Variants in GULP1 observed in about 807,000 individuals in gnomAD.
GULP1 encodes GULP PTB domain containing engulfment adaptor 1.
A neutral mutation model predicts 40.9 loss-of-function variants in GULP1; 19 were observed. The observed-to-expected ratio is 0.46, with a 90% CI of 0.32 to 0.68. The LOEUF is 0.68. Ranked by LOEUF, GULP1 falls within the 30% of genes least tolerant of loss-of-function variation. The probability of loss-of-function intolerance (pLI) is 0.03; values close to 1 mark genes in which losing one functional copy is unlikely to be tolerated. For synonymous variants in GULP1, 119 were observed against 117.6 expected (o/e 1.01, Z -0.08); for missense variants, 312 against 362.2 (o/e 0.86, Z 1.12).
At chr2:188,421,985 T>C (rs1488449340) in intron 2 of GULP1, among the ~76,000 whole-genome samples, 1 of 152,030 alleles carries the variant, frequency 6.6e-6, no homozygotes, top group Admixed American at 6.6e-5. Flanking sequence ...GTTTTTATAT[T>C]TTATTGTACT....
intron 3 of GULP1, among the ~76,000 whole-genome samples, chr2:188,478,003 A>C (rs2061156770): frequency 6.6e-6 from 1 of 152,148 alleles, no homozygotes; most frequent in South Asian, 2.1e-4. Context: ...AATTGCAAAG[A>C]ATAAAATGAT....
chr2:188,561,249 T>C (rs1365807688), intron 7 of GULP1, among the ~76,000 whole-genome samples: 5 of 152,326 alleles, frequency 3.3e-5, no homozygotes, highest in African/African-American at 4.8e-5. Context: ...GGACCAATTC[T>C]TGGGCTTCTA....
chr2:188,312,775 C>T (rs530004624), intron 1 of GULP1, among the ~76,000 whole-genome samples: 10 of 152,246 alleles, frequency 6.6e-5, no homozygotes, highest in African/African-American at 2.4e-4. Flanking sequence ...ACTGTAAAAG[C>T]GTTCCTAATT....
At chr2:188,431,328 G>A (rs763141068) in intron 2 of GULP1, among the ~76,000 whole-genome samples, 10 of 152,076 alleles carry the variant, frequency 6.6e-5, no homozygotes, top group Non-Finnish European at 1.2e-4. Flanking sequence ...AACAAAAGTT[G>A]AAGCTTCAAT....
chr2:188,556,794 G>C (rs1170774162), intron 7 of GULP1, among the ~76,000 whole-genome samples: 1 of 152,160 alleles, frequency 6.6e-6, no homozygotes. Flanking sequence ...CCAGCACTTT[G>C]GGAGGCCGAG....
chr2:188,564,691 G>C (rs1697215716), intron 7 of GULP1, among the ~76,000 whole-genome samples: 1 of 151,818 alleles, frequency 6.6e-6, no homozygotes, highest in South Asian at 2.1e-4. Flanking sequence ...AATCACAATG[G>C]GATTGTTAGT....
intron 4 of GULP1, among the ~76,000 whole-genome samples, chr2:188,506,944 T>C (rs1313000643): frequency 6.6e-6 from 1 of 152,008 alleles, no homozygotes; most frequent in Non-Finnish European, 1.5e-5. Context: ...AAAGTGTGTT[T>C]ACAGCAGCAA....
intron 7 of GULP1, among the ~76,000 whole-genome samples, chr2:188,548,736 C>T (rs1434536678): frequency 1.3e-5 from 2 of 151,838 alleles, no homozygotes; most frequent in East Asian, 3.9e-4. Flanking sequence ...GACAATAGGT[C>T]AATGGAAGAG....
chr2:188,573,280 A>T (rs1416486088), intron 9 of GULP1, among the ~76,000 whole-genome samples: 2 of 152,172 alleles, frequency 1.3e-5, no homozygotes, highest in Non-Finnish European at 2.9e-5. Context: ...AGTACAGCTT[A>T]TTTATCTCAT....
intron 1 of GULP1, among the ~76,000 whole-genome samples, chr2:188,348,961 C>A (rs2044077332): frequency 6.6e-6 from 1 of 152,104 alleles, no homozygotes; most frequent in African/African-American, 2.4e-5. Flanking sequence ...ATTATTGAAA[C>A]CTTCTGACAT....
rs145094671 is a variant in GULP1 at position 188,439,573 on chromosome 2, C to A, written c.-44-38086C>A. Among the ~76,000 whole-genome samples, 924 of 152,048 alleles carry A rather than the reference C, an allele frequency of 6.1e-3. 5 individuals are homozygous for A. The highest frequency in any genetic ancestry group is 9.3e-3 in the Non-Finnish European group (632 of 67,966). On this transcript the variant is annotated intron_variant, in intron 2 of 11. Coordinates refer to ENST00000409830, the MANE Select transcript of GULP1 (RefSeq NM_016315.4). ...GACTATGCATGTGTGTACACATATA[C>A]ACACATGCTACTGGTGTGTGTGTGT...
intron 3 of GULP1, among the ~76,000 whole-genome samples, chr2:188,480,197 A>G (rs1429471677): frequency 2.6e-5 from 4 of 152,102 alleles, no homozygotes; most frequent in Admixed American, 2.0e-4. Flanking sequence ...GAGAATTTGT[A>G]TATCTGGATA....
intron 1 of GULP1, among the ~76,000 whole-genome samples, chr2:188,371,875 G>A (rs2047645662): frequency 6.6e-6 from 1 of 152,042 alleles, no homozygotes; most frequent in African/African-American, 2.4e-5. Context: ...TGTGTTGGGT[G>A]ACTACAGCAA....
intron 6 of GULP1, among the ~76,000 whole-genome samples, chr2:188,533,463 A>G (rs1334498502): frequency 1.3e-5 from 2 of 152,164 alleles, no homozygotes; most frequent in African/African-American, 4.8e-5. Context: ...ACCTTTCACC[A>G]TATACAAGAA....
intron 2 of GULP1, among the ~76,000 whole-genome samples, chr2:188,428,711 C>T (rs773534208): frequency 6.6e-6 from 1 of 152,048 alleles, no homozygotes; most frequent in Non-Finnish European, 1.5e-5. Context: ...TTCTATAAAG[C>T]CTGGGGAACC....
At chr2:188,508,086 G>A (rs1370682492) in intron 4 of GULP1, among the ~76,000 whole-genome samples, 3 of 151,842 alleles carry the variant, frequency 2.0e-5, no homozygotes, top group Non-Finnish European at 4.4e-5. Context: ...AATTTAAAAG[G>A]GCAGCTGAAA....
chr2:188,431,570 T>A (rs1156743640), intron 2 of GULP1, among the ~76,000 whole-genome samples: 1 of 152,160 alleles, frequency 6.6e-6, no homozygotes, highest in Non-Finnish European at 1.5e-5. Flanking sequence ...ATTATTTAGT[T>A]ATGTATTAGC....
At chr2:188,536,536 A>G (rs1228603676) in intron 6 of GULP1, among the ~76,000 whole-genome samples, 4 of 151,990 alleles carry the variant, frequency 2.6e-5, no homozygotes, top group East Asian at 1.9e-4. Context: ...ATTCTTTGCC[A>G]TTGGTCTATG....
In GULP1 at chr2:188,297,460, A is replaced by G. The variant is rs756752899; in HGVS notation, c.-172+5294A>G. ...TGGTATGGTACAGCTTTTTCTTAAT[A>G]TTAGGTGTTACAGTTGATCCATTTC... is the stretch of plus-strand genomic sequence containing the variant. On this transcript the variant is annotated intron_variant, in intron 1 of 11. Transcript: ENST00000409830. The G allele has an allele frequency of 8.5e-6, 4 of 470,004 alleles. No individual in the cohort carries two copies. The East Asian group carries it at 2.0e-4, about 24-fold the overall frequency. 29.1% of individuals were successfully genotyped at this position (470,004 alleles called of 1,614,324 possible). A position where few individuals can be genotyped will look rare whatever the true frequency, so the allele number is the denominator to read the frequency against.
Sources: allele counts gnomAD v4.1 joint callset (sites outside exome capture counted in the v4.1 genomes callset), GRCh38; gene constraint gnomAD v4.1.1; transcripts MANE v1.5; gene names NCBI Gene and HGNC (gene_info 2026-07-23, HGNC 2026-07-21).